The following RAB3C variants were observed in gnomAD, a reference collection of about 807,000 sequenced individuals.
RAB3C encodes ras-related protein Rab-3C.
In RAB3C, 17 loss-of-function variants were observed where a neutral mutation model predicts 26.4. The ratio of observed to expected loss-of-function variants is 0.64; its 90% CI spans 0.44 to 0.97. The LOEUF (loss-of-function observed/expected upper bound fraction) is 0.97. RAB3C is among the 50% of genes least tolerant of loss of function. The probability of loss-of-function intolerance (pLI) is 0.00; values close to 1 mark genes in which losing one functional copy is unlikely to be tolerated. For missense variants in RAB3C, 242 were observed against 281.9 expected, an observed-to-expected ratio of 0.86 and a Z score of 1.01; for synonymous variants, 91 against 95.9, an observed-to-expected ratio of 0.95 and a Z score of 0.30.
intron 2 of RAB3C, among the ~76,000 whole-genome samples, chr5:58,674,599 C>T (rs1355854808): frequency 3.9e-5 from 6 of 152,162 alleles, no homozygotes; most frequent in Non-Finnish European, 5.9e-5. Flanking sequence ...GTACAGATGA[C>T]CATGTGGTCA....
chr5:58,851,104 G>A (rs1048926594), intron 4 of RAB3C, 60 bp from the exon 5 acceptor site: 13 of 1,489,334 alleles, frequency 8.7e-6, no homozygotes, highest in Non-Finnish European at 1.2e-5. Flanking sequence ...CCATAATCAA[G>A]TCCCATTTAA....
intron 2 of RAB3C, among the ~76,000 whole-genome samples, chr5:58,677,976 T>TGTGTG (rs1748261340): frequency 2.0e-5 from 3 of 147,782 alleles, no homozygotes; most frequent in South Asian, 2.2e-4. Flanking sequence ...CTAGATTATT[T>TGTGTG]TGTGTGTGTG....
rs989717203 is a variant in RAB3C, at chr5:58,587,089, C to T, written c.24+3857C>T. On this transcript the variant is annotated intron_variant, in intron 1 of 4. Coordinates refer to ENST00000282878, the MANE Select transcript of RAB3C (RefSeq NM_138453.4). ...CCTTACTCCATTTGGGCTAATTGCT[C>T]AAGTATCCACTTTTCTTCTGTAAAA... Among the ~76,000 whole-genome samples, 82 of 152,228 alleles carry T rather than the reference C, an allele frequency of 5.4e-4. 1 individual carries two copies. Among genetic ancestry groups the T allele is most frequent in the Admixed American group, 2.1e-3 (32 of 15,280 alleles).
At chr5:58,599,585 C>G (rs1346980419) in intron 1 of RAB3C, among the ~76,000 whole-genome samples, 2 of 152,132 alleles carry the variant, frequency 1.3e-5, no homozygotes, top group Non-Finnish European at 1.5e-5. Flanking sequence ...ACCGCTGGAA[C>G]CAAACTGGAA....
intron 3 of RAB3C, among the ~76,000 whole-genome samples, chr5:58,752,847 T>G (rs1372969943): frequency 6.6e-6 from 1 of 152,090 alleles, no homozygotes; most frequent in Non-Finnish European, 1.5e-5. Flanking sequence ...GCCTAAAGGA[T>G]TAAATTATGG....
intron 2 of RAB3C, among the ~76,000 whole-genome samples, chr5:58,686,693 TACAC>T (rs150468974): frequency 8.8e-6 from 1 of 114,120 alleles, no homozygotes; most frequent in East Asian, 2.3e-4. Context: ...CACACACACA[TACAC>T]ACACACACAC....
chr5:58,677,976 T>TTTTGTGTGTGTGTGTG (rs142179130), intron 2 of RAB3C, among the ~76,000 whole-genome samples: 3 of 147,782 alleles, frequency 2.0e-5, no homozygotes, highest in Non-Finnish European at 4.5e-5. Flanking sequence ...CTAGATTATT[T>TTTTGTGTGTGTGTGTG]TGTGTGTGTG....
intron 2 of RAB3C, among the ~76,000 whole-genome samples, chr5:58,667,234 C>A (rs1748020876): frequency 6.6e-6 from 1 of 152,162 alleles, no homozygotes; most frequent in Admixed American, 6.5e-5. Context: ...TCCTCAGCCT[C>A]CTTTAAAGCT....
rs1325212744 is a variant in RAB3C at position 58,627,515 on chromosome 5, A to AAAAAAAAAAAAAAAAC, written c.252+9649_252+9650insAAAAAAAAAAACAAAA. On this transcript the variant is annotated intron_variant, in intron 2 of 4. Transcript: ENST00000282878. The stretch of plus-strand genomic sequence containing the variant: ...AAAAAAAAAAAAAAAAAAAAAAAAA[A>AAAAAAAAAAAAAAAAC]AAAACACAGCTTAAATTCGGTGCAA... Among the ~76,000 whole-genome samples, 51 of 60,570 alleles carry AAAAAAAAAAAAAAAAC rather than the reference A, an allele frequency of 8.4e-4. 13 individuals are homozygous for AAAAAAAAAAAAAAAAC. The highest frequency in any genetic ancestry group is 1.4e-3 in the Non-Finnish European group (42 of 30,326). The allele number at this position is 60,570 out of a possible 152,430, so 39.7% of individuals were successfully genotyped here.
rs990115715 is a variant in RAB3C, at chr5:58,842,850, G to C, written c.497-8314G>C. On this transcript the variant is annotated intron_variant, in intron 4 of 4. Transcript: ENST00000282878. ...TTGAAAGGAGGTAGATATAGACCTC[G>C]AGAAGAATTTCTTGATTTTAAGAAT... 2.6e-5 allele frequency among the ~76,000 whole-genome samples: 4 copies of C among 152,186 alleles called. No individual in the cohort carries two copies. The East Asian group carries it at 7.7e-4, about 29-fold the overall frequency.
intron 3 of RAB3C, among the ~76,000 whole-genome samples, chr5:58,730,494 T>C (rs1255870854): frequency 6.6e-6 from 1 of 152,028 alleles, no homozygotes; most frequent in African/African-American, 2.4e-5. Context: ...CTGAAAGAAA[T>C]AAGCACAAAG....
At chr5:58,582,913 A>C (rs1745930411), upstream of RAB3C, 3 of 577,274 alleles carry the variant, frequency 5.2e-6, no homozygotes, top group Non-Finnish European at 8.2e-6. Flanking sequence ...GCCGAGCCCG[A>C]CTGGCGGATC....
intron 3 of RAB3C, among the ~76,000 whole-genome samples, chr5:58,803,918 G>C (rs1302118811): frequency 6.6e-6 from 1 of 152,054 alleles, no homozygotes; most frequent in Non-Finnish European, 1.5e-5. Context: ...AAATTAGCCA[G>C]GCTTGGTGGC....
At position 58,655,739 on chromosome 5, in the gene RAB3C, C is replaced by T. The variant is rs191452803; in HGVS notation, c.252+37869C>T. ...TATCAATACTATATGGTCACATCAC[C>T]TGTTAAAAAGAAAAGGGTTTCAGAA... is the stretch of plus-strand genomic sequence containing the variant. On this transcript the variant is annotated intron_variant, in intron 2 of 4. Coordinates refer to ENST00000282878, the MANE Select transcript of RAB3C (RefSeq NM_138453.4). Among the ~76,000 whole-genome samples, 24 of 150,824 alleles carry T rather than the reference C, an allele frequency of 1.6e-4. No individual in the cohort carries two copies. The East Asian group carries it at 4.5e-3, about 28-fold the overall frequency.
upstream of RAB3C, chr5:58,582,301 T>A: frequency 1.7e-6 from 1 of 592,932 alleles, no homozygotes; most frequent in Non-Finnish European, 2.1e-6. Context: ...CCCCTTCTAT[T>A]GTGTTGTGCC....
intron 3 of RAB3C, among the ~76,000 whole-genome samples, chr5:58,818,149 T>C (rs1396918153): frequency 2.6e-5 from 4 of 152,176 alleles, no homozygotes; most frequent in Non-Finnish European, 5.9e-5. Flanking sequence ...TTTCAGAACA[T>C]TGTGATTAAG....
intron 2 of RAB3C, among the ~76,000 whole-genome samples, chr5:58,662,545 T>A (rs867191699): frequency 1.7e-4 from 26 of 150,400 alleles, no homozygotes; most frequent in Middle Eastern, 6.8e-3. Flanking sequence ...GGGAAGGTAT[T>A]AATAAGACCA....
intron 1 of RAB3C, among the ~76,000 whole-genome samples, chr5:58,615,654 A>C (rs1746807721): frequency 6.6e-6 from 1 of 152,134 alleles, no homozygotes; most frequent in Non-Finnish European, 1.5e-5. Flanking sequence ...AAGTGATGCT[A>C]TCTGCCTGTT....
At chr5:58,690,314 T>C (rs1227301629) in intron 2 of RAB3C, among the ~76,000 whole-genome samples, 1 of 152,160 alleles carries the variant, frequency 6.6e-6, no homozygotes, top group East Asian at 1.9e-4. Context: ...TAACAAACTA[T>C]ACCAAAACTA....
Sources: gnomAD v4.1 joint callset for allele counts (sites outside exome capture counted in the v4.1 genomes callset) on GRCh38, gnomAD v4.1.1 for gene constraint, MANE v1.5 for transcripts, NCBI Gene and HGNC (gene_info 2026-07-23, HGNC 2026-07-21) for gene names.